Variants in TTC7A observed in about 807,000 individuals in gnomAD.
TTC7A encodes the protein tetratricopeptide repeat domain 7A.
A neutral mutation model predicts 103.7 loss-of-function variants in TTC7A; 110 were observed. That is an observed-to-expected ratio of 1.06 (90% CI 0.91 to 1.24). The LOEUF (loss-of-function observed/expected upper bound fraction) is 1.24. Among genes scored for constraint, TTC7A ranks in the 50% most tolerant of loss-of-function variants. The pLI, the probability that TTC7A is intolerant of heterozygous loss-of-function variation, is 0.00. For synonymous variants in TTC7A, 521 were observed against 467.9 expected, an observed-to-expected ratio of 1.11 and a Z score of -1.47; for missense variants, 1,340 against 1,116.3, an observed-to-expected ratio of 1.20 and a Z score of -2.86.
chr2:47,037,819 C>G (rs1681275250), intron 15 of TTC7A, among the ~76,000 whole-genome samples: 1 of 152,194 alleles, frequency 6.6e-6, no homozygotes, highest in Non-Finnish European at 1.5e-5. Flanking sequence ...GGATTGGGGA[C>G]TGAGAATGAA....
At chr2:46,989,814 G>T (rs866024635) in intron 5 of TTC7A, among the ~76,000 whole-genome samples, 9 of 93,094 alleles carry the variant, frequency 9.7e-5, no homozygotes, top group South Asian at 3.3e-4. Flanking sequence ...GTGTGTGTGT[G>T]TGCATCTGTG....
chr2:47,018,136 G>A (rs1249868103), intron 11 of TTC7A, among the ~76,000 whole-genome samples: 1 of 151,632 alleles, frequency 6.6e-6, no homozygotes, highest in African/African-American at 2.4e-5. Flanking sequence ...AATTAGCCGG[G>A]CATGGTGGCA....
chr2:46,979,100 G>A (rs562208662), intron 5 of TTC7A, among the ~76,000 whole-genome samples, 193 bp downstream of exon 5: 4 of 152,284 alleles, frequency 2.6e-5, no homozygotes, highest in East Asian at 1.9e-4. Flanking sequence ...GAAGGGCCAC[G>A]CTTCAGGAAG....
chr2:46,969,042 C>T (rs1221171607), intron 3 of TTC7A, among the ~76,000 whole-genome samples: 1 of 151,730 alleles, frequency 6.6e-6, no homozygotes, highest in African/African-American at 2.4e-5. Context: ...GCTGGGATTA[C>T]AGACGTGGGC....
intron 5 of TTC7A, among the ~76,000 whole-genome samples, chr2:46,992,974 A>G (rs887382596): frequency 1.3e-5 from 2 of 152,230 alleles, no homozygotes; most frequent in African/African-American, 2.4e-5. Flanking sequence ...AAGTGGCGAG[A>G]CTGGCTGGTG....
intron 2 of TTC7A, among the ~76,000 whole-genome samples, chr2:46,930,357 G>A (rs952205641): frequency 2.0e-5 from 3 of 147,920 alleles, no homozygotes; most frequent in South Asian, 2.1e-4. Flanking sequence ...TAAATTCTAC[G>A]AACACTTAAA....
Position 46,941,661 on chromosome 2 carries a change from C to A in TTC7A, c.120C>A (p.Ser40Arg). The change falls in exon 1 of 20, where the codon AGC (serine) becomes AGA (arginine). Residue 40 changes from serine to arginine, a missense_variant. Coordinates refer to ENST00000319190, the MANE Select transcript of TTC7A (RefSeq NM_020458.4). This position sits in a 1 kb window ranked among gnomAD's most constrained non-coding sequence, Gnocchi z 4.2. The stretch of plus-strand genomic sequence containing the variant: ...TGGTCCGGCAGCTGCAGACGCTGAG[C>A]ATGCCCGGCGGCGGAGGTAACAGGC... ...PELVRQLQTL[S>R]MPGGGGNRRG... 1 of 1,552,132 alleles carries A rather than the reference C, an allele frequency of 6.4e-7. No individual in the cohort carries two copies. Among genetic ancestry groups the A allele is most frequent in the Non-Finnish European group, 8.7e-7 (1 of 1,148,144 alleles).
chr2:46,959,775 A>C (rs894067513), intron 3 of TTC7A, among the ~76,000 whole-genome samples: 1 of 152,104 alleles, frequency 6.6e-6, no homozygotes, highest in African/African-American at 2.4e-5. Flanking sequence ...GAGGCTTTAG[A>C]CATCAACCCG....
intron 3 of TTC7A, among the ~76,000 whole-genome samples, chr2:46,965,992 C>G (rs1234747876): frequency 1.3e-5 from 2 of 152,048 alleles, no homozygotes; most frequent in East Asian, 3.9e-4. Context: ...CTCTGTTGCC[C>G]AGGCTAGAGT....
chr2:47,037,651 C>T (rs1681257243), intron 15 of TTC7A, among the ~76,000 whole-genome samples: 1 of 152,200 alleles, frequency 6.6e-6, no homozygotes, highest in African/African-American at 2.4e-5. Context: ...CAATGATGCA[C>T]CCAGTGCTGG....
At chr2:46,988,786 G>T (rs770314737) in intron 5 of TTC7A, among the ~76,000 whole-genome samples, 1 of 152,208 alleles carries the variant, frequency 6.6e-6, no homozygotes, top group Non-Finnish European at 1.5e-5. Context: ...AGAGACAGGT[G>T]TTGTCTTTCT....
At position 47,073,799 on chromosome 2, in the gene TTC7A, G is replaced by A; in HGVS notation, c.2453G>A (p.Gly818Asp). Residue 818 changes from glycine to aspartate, a missense_variant, in exon 20 of 20, where the codon GGC becomes GAC. Physicochemically the swap from Gly to Asp is moderately conservative, Grantham distance 94. Coordinates refer to ENST00000319190, the MANE Select transcript of TTC7A (RefSeq NM_020458.4). ...RQSTCHEAWQGLGEVLQAQGQ... is the reference protein window; with the variant it reads ...RQSTCHEAWQDLGEVLQAQGQ... ...AGTACGTGCCACGAGGCGTGGCAGGGCCTGGGCGAGGTGCTGCAGGCCCAG... is the reference window on the plus strand; with the variant it reads ...AGTACGTGCCACGAGGCGTGGCAGGACCTGGGCGAGGTGCTGCAGGCCCAG... 6.2e-7 allele frequency: 1 copy of A among 1,613,780 alleles called. No homozygotes were observed. Among genetic ancestry groups the A allele is most frequent in the South Asian group, 1.1e-5 (1 of 91,090 alleles).
chr2:47,062,760 A>AGG (rs1683890163), intron 19 of TTC7A, among the ~76,000 whole-genome samples: 1 of 152,246 alleles, frequency 6.6e-6, no homozygotes, highest in Non-Finnish European at 1.5e-5. Flanking sequence ...CTGAAATTGA[A>AGG]GCAGTTTCCA....
intron 8 of TTC7A, chr2:46,999,551 T>TC: frequency 1.0e-6 from 1 of 985,440 alleles, no homozygotes; most frequent in African/African-American, 1.7e-5. Flanking sequence ...CAATCATAGT[T>TC]CCTGTCCCAA....
chr2:46,955,187 A>G (rs747941452), intron 2 of TTC7A, among the ~76,000 whole-genome samples: 8 of 151,644 alleles, frequency 5.3e-5, no homozygotes, highest in East Asian at 1.9e-4. Flanking sequence ...AGTAGGTGTT[A>G]TTATCTCTCC....
intron 15 of TTC7A, among the ~76,000 whole-genome samples, chr2:47,044,493 G>A (rs1310357682): frequency 6.6e-6 from 1 of 152,206 alleles, no homozygotes; most frequent in African/African-American, 2.4e-5. Context: ...TGTCCTGCCA[G>A]CTGTGCACTC....
rs58422168 is a variant in TTC7A, at chr2:47,073,806, C to T, written c.2460C>T (p.Gly820=). ...STCHEAWQGL[G]EVLQAQGQNE... Reference sequence around the variant, plus strand: ...GCCACGAGGCGTGGCAGGGCCTGGGCGAGGTGCTGCAGGCCCAGGGCCAGA... The same window carrying T: ...GCCACGAGGCGTGGCAGGGCCTGGGTGAGGTGCTGCAGGCCCAGGGCCAGA... The change falls in exon 20 of 20, where the codon GGC becomes GGT. Residue 820 remains glycine (G), a synonymous_variant. Transcript: ENST00000319190. 5,475 of 1,613,614 alleles carry T rather than the reference C, an allele frequency of 3.4e-3. 19 individuals carry two copies. The highest frequency in any genetic ancestry group is 4.2e-3 in the Non-Finnish European group (5,013 of 1,179,972).
At chr2:46,991,290 C>T (rs77548001) in intron 5 of TTC7A, among the ~76,000 whole-genome samples, 165 of 152,160 alleles carry the variant, frequency 1.1e-3, no homozygotes, top group African/African-American at 3.8e-3. Flanking sequence ...CCCTGGGATA[C>T]GGACGCTGCT....
chr2:46,964,435 C>T (rs1672661229), intron 3 of TTC7A, among the ~76,000 whole-genome samples: 2 of 152,164 alleles, frequency 1.3e-5, no homozygotes, highest in South Asian at 4.1e-4. Flanking sequence ...CACAGTAAGG[C>T]TCAGGGTGTC....
Sources: allele counts gnomAD v4.1 joint callset (sites outside exome capture counted in the v4.1 genomes callset), GRCh38; gene constraint gnomAD v4.1.1; non-coding constraint Gnocchi (gnomAD v3.1); transcripts MANE v1.5; gene names NCBI Gene and HGNC (gene_info 2026-07-23, HGNC 2026-07-21).